The following CDH6 variants were observed in gnomAD, a reference collection of about 807,000 sequenced individuals.
CDH6 encodes the protein cadherin 6.
Under a neutral mutation model 78.0 loss-of-function variants are expected in CDH6, and 31 were observed. The ratio of observed to expected loss-of-function variants is 0.40; its 90% CI spans 0.30 to 0.54. The LOEUF is 0.54. Ranked by LOEUF, CDH6 falls within the 20% of genes least tolerant of loss-of-function variation. CDH6 has a pLI of 0.56. For synonymous variants in CDH6, 376 were observed against 368.8 expected, an observed-to-expected ratio of 1.02 and a Z score of -0.23; for missense variants, 724 against 975.9, an observed-to-expected ratio of 0.74 and a Z score of 3.44.
At chr5:31,209,635 G>C (rs1210756947) in intron 1 of CDH6, among the ~76,000 whole-genome samples, 4 of 152,130 alleles carry the variant, frequency 2.6e-5, no homozygotes, top group Admixed American at 6.5e-5. Context: ...CTGGTATATT[G>C]GGACACTTTG....
chr5:31,297,223 T>G, intron 3 of CDH6, 66 bp from the exon 4 acceptor site: 1 of 1,375,048 alleles, frequency 7.3e-7, no homozygotes, highest in Non-Finnish European at 1.0e-6. Flanking sequence ...CGTGCTGGTT[T>G]TGGTGTGTGT....
In CDH6 at chr5:31,305,206, C is replaced by A. The variant is rs773131961; in HGVS notation, c.1032C>A (p.Thr344=). Residue 344 remains threonine (T), a synonymous_variant, in exon 7 of 12, where the codon ACC becomes ACA. Transcript: ENST00000265071. Reference sequence around the variant, plus strand: ...ACTTTGAAAAGAAGAAAGTGTATACCCTTAAAGTGGAAGCCTCCAATCCTT... The same window carrying A: ...ACTTTGAAAAGAAGAAAGTGTATACACTTAAAGTGGAAGCCTCCAATCCTT... ...LLDFEKKKVY[T]LKVEASNPYV... The A allele has an allele frequency of 1.2e-6, 2 of 1,613,982 alleles. No individual in the cohort carries two copies. The highest frequency in any genetic ancestry group is 1.7e-6 in the Non-Finnish European group (2 of 1,179,944).
rs202132723 is a variant in CDH6, at chr5:31,197,586, G to T, written c.-129+3700G>T. On this transcript the variant is annotated intron_variant, in intron 1 of 11. Transcript: ENST00000265071. Reference sequence around the variant, plus strand: ...TGGTTTAAATATTTTTCTGAATAATGATTCTAAATTCAAAGACTCAAGAAC... The same window carrying T: ...TGGTTTAAATATTTTTCTGAATAATTATTCTAAATTCAAAGACTCAAGAAC... 2.6e-4 allele frequency among the ~76,000 whole-genome samples: 39 copies of T among 152,294 alleles called. No homozygotes were observed. In the East Asian group the frequency reaches 6.6e-3, roughly 26 times the overall value.
Position 31,300,556 on chromosome 5 carries a change from G to C in CDH6, c.811+925G>C, listed in dbSNP as rs73758200. Among the ~76,000 whole-genome samples the C allele has an allele frequency of 7.2e-3, 1,094 of 152,170 alleles. 11 individuals are homozygous for C. Among genetic ancestry groups the C allele is most frequent in the African/African-American group, 0.025 (1,055 of 41,520 alleles). ...ATCTCATATAACAAGTAGAAGAAAGGTTCTATGAGGCCTACCATTTCCCTT... is the reference window on the plus strand; with the variant it reads ...ATCTCATATAACAAGTAGAAGAAAGCTTCTATGAGGCCTACCATTTCCCTT... On this transcript the variant is annotated intron_variant, in intron 5 of 11. Coordinates refer to ENST00000265071, the MANE Select transcript of CDH6 (RefSeq NM_004932.4).
chr5:31,232,927 C>T (rs1457402725), intron 1 of CDH6, among the ~76,000 whole-genome samples: 7 of 152,148 alleles, frequency 4.6e-5, no homozygotes, highest in Admixed American at 2.6e-4. Flanking sequence ...CCCCGTTGTA[C>T]AGATGAAGAA....
At chr5:31,234,551 T>C (rs1362696475) in intron 1 of CDH6, among the ~76,000 whole-genome samples, 1 of 152,154 alleles carries the variant, frequency 6.6e-6, no homozygotes, top group African/African-American at 2.4e-5. Flanking sequence ...AGGTGGGGAA[T>C]CCCATCTCCA....
At chr5:31,310,753 C>T (rs2149956450) in intron 7 of CDH6, among the ~76,000 whole-genome samples, 1 of 152,378 alleles carries the variant, frequency 6.6e-6, no homozygotes, top group East Asian at 1.9e-4. Flanking sequence ...GTCTTGCACC[C>T]TCTGAAGCCA....
At chr5:31,318,127 T>C in intron 11 of CDH6, 2 of 637,688 alleles carry the variant, frequency 3.1e-6, no homozygotes, top group Non-Finnish European at 5.6e-6. Flanking sequence ...ATGTGAAACT[T>C]GCTCGTGTCT....
intron 1 of CDH6, among the ~76,000 whole-genome samples, chr5:31,213,949 A>G (rs543527993): frequency 6.6e-6 from 1 of 152,210 alleles, no homozygotes; most frequent in Non-Finnish European, 1.5e-5. Flanking sequence ...TCCTCTGCCC[A>G]TTGGCACCAT....
At chr5:31,246,519 G>T (rs957729301) in intron 1 of CDH6, among the ~76,000 whole-genome samples, 1 of 152,118 alleles carries the variant, frequency 6.6e-6, no homozygotes. Context: ...TATGTTATCT[G>T]GTGTTTCTCC....
At chr5:31,264,570 A>T (rs1325890968) in intron 1 of CDH6, among the ~76,000 whole-genome samples, 1 of 152,226 alleles carries the variant, frequency 6.6e-6, no homozygotes, top group Non-Finnish European at 1.5e-5. Context: ...GTAAATGAGA[A>T]TTGCTAAGTT....
At chr5:31,246,811 A>G (rs1205793116) in intron 1 of CDH6, among the ~76,000 whole-genome samples, 1 of 152,004 alleles carries the variant, frequency 6.6e-6, no homozygotes, top group Non-Finnish European at 1.5e-5. Context: ...GCTGGAGTGC[A>G]ATGGCATAAT....
At chr5:31,303,830 T>C (rs1198746794) in intron 6 of CDH6, among the ~76,000 whole-genome samples, 1 of 152,166 alleles carries the variant, frequency 6.6e-6, no homozygotes. Context: ...TAAGTGACAC[T>C]CAGACTAATG....
rs1450466651 is a variant in CDH6 at position 31,313,336 on chromosome 5, C to A, written c.1272C>A (p.His424Gln). 1 of 1,612,980 alleles carries A rather than the reference C, an allele frequency of 6.2e-7. No individual in the cohort carries two copies. Among genetic ancestry groups the A allele is most frequent in the Non-Finnish European group, 8.5e-7 (1 of 1,179,130 alleles). The change falls in exon 8 of 12, where the codon CAC (histidine) becomes CAA (glutamine). Residue 424 changes from histidine to glutamine, a missense_variant. This residue lies in a region of CDH6 where 446 missense variants were observed against 684.5 expected (regional missense o/e 0.65). Transcript: ENST00000265071. The stretch of plus-strand genomic sequence containing the variant: ...TTTTCAGGTACTCTGTAGATCGACA[C>A]ACAGATATGGACAGAATATTCAACA... The part of the protein sequence containing the change: ...RNPVKYSVDR[H>Q]TDMDRIFNID...
intron 2 of CDH6, among the ~76,000 whole-genome samples, chr5:31,273,315 G>T (rs904074163): frequency 6.6e-6 from 1 of 152,142 alleles, no homozygotes; most frequent in Non-Finnish European, 1.5e-5. Flanking sequence ...GATTCAGCGA[G>T]TCTCTGAACC....
intron 1 of CDH6, among the ~76,000 whole-genome samples, chr5:31,234,545 G>A (rs571118772): frequency 2.5e-4 from 38 of 152,186 alleles, no homozygotes; most frequent in Admixed American, 5.2e-4. Context: ...GCTGATAGGT[G>A]GGGAATCCCA....
rs542048383 is a variant in CDH6 at position 31,279,001 on chromosome 5, G to A, written c.228+11300G>A. Among the ~76,000 whole-genome samples the A allele has an allele frequency of 2.0e-5, 3 of 152,206 alleles. No homozygotes were observed. The East Asian group carries it at 5.8e-4, about 29-fold the overall frequency. On this transcript the variant is annotated intron_variant, in intron 2 of 11. Coordinates refer to ENST00000265071, the MANE Select transcript of CDH6 (RefSeq NM_004932.4). ...ATTCTAGAGCATGAGGCTTTTTGAG[G>A]GGTCAGAGGTATTAGGGGTCAATGA...
intron 1 of CDH6, among the ~76,000 whole-genome samples, chr5:31,194,501 A>T (rs1010784686): frequency 3.3e-5 from 5 of 152,144 alleles, no homozygotes; most frequent in African/African-American, 1.2e-4. Flanking sequence ...GCTAAAGAAA[A>T]CTGTTAGCTT....
Position 31,262,314 on chromosome 5 carries a change from T to C in CDH6, c.-128-5032T>C, listed in dbSNP as rs149404686. ...TATGTGGGCCTTGCCCCACTATCCA[T>C]AAACATCTCAATTACCTTCTAGTCA... On this transcript the variant is annotated intron_variant, in intron 1 of 11. Transcript: ENST00000265071. Among the ~76,000 whole-genome samples the C allele has an allele frequency of 3.9e-5, 6 of 152,362 alleles. No individual in the cohort carries two copies. The East Asian group carries it at 1.2e-3, about 29-fold the overall frequency.
Sources: gnomAD v4.1 joint callset for allele counts (sites outside exome capture counted in the v4.1 genomes callset) on GRCh38, gnomAD v4.1.1 for gene constraint, gnomAD v4.1.1 regional missense constraint, MANE v1.5 for transcripts, NCBI Gene and HGNC (gene_info 2026-07-23, HGNC 2026-07-21) for gene names.